Variants in PDE4D observed in about 807,000 individuals in gnomAD.
PDE4D encodes the protein 3',5'-cyclic-AMP phosphodiesterase 4D.
In PDE4D, 24 loss-of-function variants were observed where a neutral mutation model predicts 87.4. The ratio of observed to expected loss-of-function variants is 0.27; its 90% CI spans 0.20 to 0.39. PDE4D has a LOEUF of 0.39. Among genes scored for constraint, PDE4D ranks in the 10% least tolerant of loss-of-function variants. The pLI, the probability that PDE4D is intolerant of heterozygous loss-of-function variation, is 1.00. For synonymous variants in PDE4D, 384 were observed against 383.2 expected (o/e 1.00, Z -0.02); for missense variants, 714 against 1,041.0 (o/e 0.69, Z 4.32).
intron 1 of PDE4D, among the ~76,000 whole-genome samples, chr5:59,853,805 C>A (rs1745021350): frequency 6.6e-6 from 1 of 151,950 alleles, no homozygotes; most frequent in Non-Finnish European, 1.5e-5. Flanking sequence ...GCAAAAATGA[C>A]ATGCTATGTA....
At chr5:60,042,653 G>C (rs1054190480) in intron 2 of PDE4D, among the ~76,000 whole-genome samples, 1 of 152,202 alleles carries the variant, frequency 6.6e-6, no homozygotes, top group African/African-American at 2.4e-5. Context: ...CCCAGGCAAA[G>C]AGGGTCTGGA....
intron 1 of PDE4D, among the ~76,000 whole-genome samples, chr5:59,618,926 G>T (rs1020723295): frequency 1.3e-5 from 2 of 152,104 alleles, no homozygotes; most frequent in Non-Finnish European, 2.9e-5. Context: ...CTCGCAAGAT[G>T]CTGGCACGTT....
intron 2 of PDE4D, among the ~76,000 whole-genome samples, chr5:60,125,285 A>T (rs1055167696): frequency 3.3e-5 from 5 of 152,292 alleles, no homozygotes; most frequent in Admixed American, 3.3e-4. Context: ...GAATTTATAT[A>T]GTCATTTTTG....
intron 1 of PDE4D, among the ~76,000 whole-genome samples, chr5:59,596,133 C>T (rs1826647547): frequency 6.6e-6 from 1 of 151,360 alleles, no homozygotes; most frequent in Non-Finnish European, 1.5e-5. Flanking sequence ...CACTTCTAAC[C>T]CATGCACATA....
At chr5:59,026,791 TAAATAA>T (rs1416546841) in intron 6 of PDE4D, among the ~76,000 whole-genome samples, 1 of 152,220 alleles carries the variant, frequency 6.6e-6, no homozygotes, top group Non-Finnish European at 1.5e-5. Flanking sequence ...TTCGATCTTT[TAAATAA>T]AACTTTTTGT....
chr5:59,201,441 AAAT>A (rs1747354523), intron 2 of PDE4D, among the ~76,000 whole-genome samples: 1 of 152,154 alleles, frequency 6.6e-6, no homozygotes, highest in African/African-American at 2.4e-5. Flanking sequence ...GTTTTTCCAA[AAAT>A]AATGTTCACT....
chr5:59,259,078 C>T (rs27547), intron 1 of PDE4D, among the ~76,000 whole-genome samples: 110,169 of 151,652 alleles, frequency 0.73, 40,186 homozygotes, highest in African/African-American at 0.76. Context: ...TTAAAATTCT[C>T]ACATTCTCAA....
intron 1 of PDE4D, among the ~76,000 whole-genome samples, chr5:59,253,495 T>C (rs553615006): frequency 2.9e-4 from 44 of 152,136 alleles, no homozygotes; most frequent in Non-Finnish European, 5.4e-4. Context: ...ACACAGTCAC[T>C]ACACACAGCG....
chr5:60,336,749 C>G (rs530452556), intron 1 of PDE4D, among the ~76,000 whole-genome samples: 60 of 152,176 alleles, frequency 3.9e-4, no homozygotes, highest in Non-Finnish European at 8.1e-4. Context: ...CCTTCTCTGT[C>G]TGCCAATTTC....
At chr5:59,250,555 A>G (rs1382905776) in intron 1 of PDE4D, among the ~76,000 whole-genome samples, 1 of 151,932 alleles carries the variant, frequency 6.6e-6, no homozygotes, top group Non-Finnish European at 1.5e-5. Context: ...TGTGCCTTGA[A>G]TATAAATATT....
chr5:59,937,311 A>G (rs1315942228), intron 3 of PDE4D, among the ~76,000 whole-genome samples: 1 of 152,252 alleles, frequency 6.6e-6, no homozygotes, highest in East Asian at 1.9e-4. Flanking sequence ...TGGACATAAA[A>G]TAATATAAAC....
At chr5:59,792,206 C>T (rs973529219) in intron 1 of PDE4D, among the ~76,000 whole-genome samples, 2 of 151,982 alleles carry the variant, frequency 1.3e-5, no homozygotes, top group African/African-American at 4.8e-5. Context: ...TAAGGATGGG[C>T]AATAGGATGG....
intron 5 of PDE4D, among the ~76,000 whole-genome samples, chr5:59,139,245 T>C (rs74650531): frequency 0.039 from 5,927 of 152,316 alleles, 347 homozygotes; most frequent in African/African-American, 0.12. Context: ...AGGCTTTTTA[T>C]GTTTGGTATC....
chr5:59,893,365 C>CGGCGGG lies in PDE4D; in HGVS notation c.252_257dup (p.Pro87_Pro88dup). 1 of 1,237,496 alleles carries CGGCGGG rather than the reference C, an allele frequency of 8.1e-7. No homozygotes were observed. The highest frequency in any genetic ancestry group is 1.6e-5 in the African/African-American group (1 of 62,962). The allele number at this position is 1,237,496 out of a possible 1,614,324, so 76.7% of individuals were successfully genotyped here. Reference sequence around the variant, plus strand: ...AGCGGCCGCGGGCAGCCCCGGGCGGCGGCGGGGGCGGCGGCAGGGGGGGCG... The same window carrying CGGCGGG: ...AGCGGCCGCGGGCAGCCCCGGGCGGCGGCGGGGGCGGGGGCGGCGGCAGGGGGGGCG... On this transcript the variant is annotated inframe_insertion, in exon 1 of 15. Transcript: ENST00000340635.
intron 1 of PDE4D, among the ~76,000 whole-genome samples, chr5:59,880,106 A>AT (rs939757054): frequency 2.0e-4 from 29 of 147,766 alleles, no homozygotes; most frequent in Non-Finnish European, 3.1e-4. Context: ...AACATTTCTG[A>AT]TTTTTTTTTT....
chr5:60,417,060 TGCCAGAACA>T (rs1742664592), intron 1 of PDE4D, among the ~76,000 whole-genome samples: 2 of 152,204 alleles, frequency 1.3e-5, no homozygotes. Flanking sequence ...TCATTTGTAC[TGCCAGAACA>T]GCCAGAACAT....
intron 1 of PDE4D, among the ~76,000 whole-genome samples, chr5:60,515,619 T>C (rs1169535297): frequency 4.1e-4 from 59 of 145,612 alleles, no homozygotes; most frequent in Non-Finnish European, 5.2e-4. Context: ...TTTTTTTTTT[T>C]CTGTCAGGAT....
At chr5:59,031,415 T>TAA (rs1757472591) in intron 6 of PDE4D, among the ~76,000 whole-genome samples, 3 of 93,574 alleles carry the variant, frequency 3.2e-5, no homozygotes, top group African/African-American at 1.2e-4. Flanking sequence ...TATATATATA[T>TAA]AGATTATACA....
chr5:59,108,784 A>G (rs945070566), intron 5 of PDE4D, among the ~76,000 whole-genome samples: 1 of 151,902 alleles, frequency 6.6e-6, no homozygotes, highest in African/African-American at 2.4e-5. Context: ...GGTGCCTGTA[A>G]TCTCAGCTAC....
Sources: allele counts gnomAD v4.1 joint callset (sites outside exome capture counted in the v4.1 genomes callset), GRCh38; gene constraint gnomAD v4.1.1; transcripts MANE v1.5; gene names NCBI Gene and HGNC (gene_info 2026-07-23, HGNC 2026-07-21).